The following STAT5A variants were observed in gnomAD, a reference collection of about 807,000 sequenced individuals.
STAT5A encodes epididymis secretory sperm binding protein.
A neutral mutation model predicts 100.2 loss-of-function variants in STAT5A; 26 were observed. The observed-to-expected ratio is 0.26, with a 90% CI of 0.19 to 0.36. The LOEUF (loss-of-function observed/expected upper bound fraction) is 0.36. Ranked by LOEUF, STAT5A falls within the 10% of genes least tolerant of loss-of-function variation. The pLI is 1.00. For missense variants in STAT5A, 634 were observed against 1,027.5 expected (o/e 0.62, Z 5.24); for synonymous variants, 330 against 424.3 (o/e 0.78, Z 2.73).
At position 42,308,386 on chromosome 17, in the gene STAT5A, C is replaced by A; in HGVS notation, c.2062+53C>A. On this transcript the variant is annotated intron_variant, in intron 16 of 18. Transcript: ENST00000590949. This position sits in a 1 kb window ranked among gnomAD's most constrained non-coding sequence, Gnocchi z 4.6. ...CTGACTCCCCCGGGCTCTTCCCCAGCCCATAGACAAAGCCTTGGGCTGCGC... is the reference window on the plus strand; with the variant it reads ...CTGACTCCCCCGGGCTCTTCCCCAGACCATAGACAAAGCCTTGGGCTGCGC... 1 of 1,612,474 alleles carries A rather than the reference C, an allele frequency of 6.2e-7. No homozygotes were observed. Among genetic ancestry groups the A allele is most frequent in the Non-Finnish European group, 8.5e-7 (1 of 1,179,284 alleles).
chr17:42,300,453 C>T (rs2080965927), intron 7 of STAT5A, among the ~76,000 whole-genome samples, 172 bp downstream of exon 7: 1 of 152,120 alleles, frequency 6.6e-6, no homozygotes, highest in Non-Finnish European at 1.5e-5. Flanking sequence ...CTGTGCACCT[C>T]CCCCAGGAAG....
intron 4 of STAT5A, among the ~76,000 whole-genome samples, chr17:42,292,957 A>G (rs897927029): frequency 6.6e-6 from 1 of 152,032 alleles, no homozygotes; most frequent in African/African-American, 2.4e-5. Flanking sequence ...TGGAGATAGC[A>G]ATCATACCTA....
In STAT5A at chr17:42,301,351, G is replaced by T; in HGVS notation, c.1066G>T (p.Val356Leu). Residue 356 changes from valine (V) to leucine (L), a missense_variant, in exon 9 of 19, where the codon GTG becomes TTG. Physicochemically the swap from Val to Leu is conservative, Grantham distance 32. Transcript: ENST00000590949. ...TKFAATVRLL[V>L]GGKLNVHMNP... ...GTTTGCAGCCACCGTACGCCTGCTG[G>T]TGGGCGGGAAGCTGAACGTGCACAT... The T allele has an allele frequency of 6.2e-7, 1 of 1,614,182 alleles. No individual in the cohort carries two copies. Among genetic ancestry groups the T allele is most frequent in the Middle Eastern group, 1.6e-4 (1 of 6,062 alleles).
intron 18 of STAT5A, 126 bp downstream of exon 18, chr17:42,309,610 A>C: frequency 1.1e-6 from 1 of 923,840 alleles, no homozygotes; most frequent in Non-Finnish European, 1.6e-6. Context: ...GAGGAGTGAG[A>C]TCAGCCAGGA....
At chr17:42,292,720 A>T (rs142526035) in intron 4 of STAT5A, among the ~76,000 whole-genome samples, 1,816 of 150,178 alleles carry the variant, frequency 0.012, 47 homozygotes, top group African/African-American at 0.042. Context: ...TCTGCCTCCC[A>T]GGTTCAAGCA....
chr17:42,302,866 A>T (rs1301635231), intron 9 of STAT5A, among the ~76,000 whole-genome samples: 2 of 152,156 alleles, frequency 1.3e-5, no homozygotes, highest in Non-Finnish European at 2.9e-5. Context: ...TGAGGCAAGA[A>T]AATCACTTGA....
intron 3 of STAT5A, 88 bp downstream of exon 3, chr17:42,290,110 C>T: frequency 6.9e-7 from 1 of 1,446,414 alleles, no homozygotes; most frequent in Non-Finnish European, 9.1e-7. Context: ...GGCCTGGCCA[C>T]TGACTCACCA....
rs552133599 is a variant in STAT5A, at chr17:42,289,947, G to A, written c.210G>A (p.Lys70=). The stretch of plus-strand genomic sequence containing the variant: ...AGGGCCTGGTGCAGGAGCTGCAGAA[G>A]AAGGCGGAGCACCAGGTGGGGGAAG... The part of the protein sequence containing the change: ...LLEGLVQELQ[K]KAEHQVGEDG... The change falls in exon 3 of 19, where the codon AAG becomes AAA. Residue 70 remains lysine (K), a synonymous_variant. Transcript: ENST00000590949. 10 of 1,608,930 alleles carry A rather than the reference G, an allele frequency of 6.2e-6. No homozygotes were observed. In the South Asian group the frequency reaches 1.1e-4, roughly 18 times the overall value.
At position 42,288,507 on chromosome 17, in the gene STAT5A, C is replaced by A; in HGVS notation, c.-102C>A. 6.5e-6 allele frequency: 1 copy of A among 153,644 alleles called. No homozygotes were observed. The highest frequency in any genetic ancestry group is 1.8e-4 in the South Asian group (1 of 5,438). The allele number at this position is 153,644 out of a possible 1,614,324, so 9.5% of individuals were successfully genotyped here. On this transcript the variant is annotated 5_prime_UTR_variant, in exon 1 of 19. Coordinates refer to ENST00000590949, the MANE Select transcript of STAT5A (RefSeq NM_001288718.2). The surrounding 1 kb of genome is among the most constrained non-coding windows in gnomAD (Gnocchi z 4.8). ...CTCCGCTCCTTCCTGTAGTAACAGC[C>A]GCCGCTGCCGCCGCCGCCAGGAACC... is the stretch of plus-strand genomic sequence containing the variant.
At chr17:42,289,765 C>G in intron 2 of STAT5A, 101 bp from the exon 3 acceptor site, 1 of 1,429,220 alleles carries the variant, frequency 7.0e-7, no homozygotes, top group South Asian at 1.5e-5. Context: ...CCCTGGAGTG[C>G]CCTCGGTCAT....
At chr17:42,306,180 T>C in intron 12 of STAT5A, 61 bp from the exon 13 acceptor site, 1 of 1,612,710 alleles carries the variant, frequency 6.2e-7, no homozygotes, top group South Asian at 1.1e-5. Context: ...GTATCTTGTG[T>C]GTGTGTGAAT....
intron 5 of STAT5A, among the ~76,000 whole-genome samples, chr17:42,297,264 TTTCCCCTCA>T (rs2080927902): frequency 1.3e-5 from 2 of 152,176 alleles, no homozygotes; most frequent in African/African-American, 4.8e-5. Flanking sequence ...TCTAAGAGAA[TTTCCCCTCA>T]TCTGAATCTA....
In STAT5A at chr17:42,308,053, C is replaced by A; in HGVS notation, c.1907-125C>A. 1 of 1,322,022 alleles carries A rather than the reference C, an allele frequency of 7.6e-7. No individual in the cohort carries two copies. Among genetic ancestry groups the A allele is most frequent in the Non-Finnish European group, 1.0e-6 (1 of 967,592 alleles). 81.9% of individuals were successfully genotyped at this position (1,322,022 alleles called of 1,614,324 possible). ...CCGCATCGGCTTTCTTCCCTACAGGCTGGGGCTGCAGCGCAAGCTACTATA... is the reference window on the plus strand; with the variant it reads ...CCGCATCGGCTTTCTTCCCTACAGGATGGGGCTGCAGCGCAAGCTACTATA... On this transcript the variant is annotated intron_variant, in intron 15 of 18. Coordinates refer to ENST00000590949, the MANE Select transcript of STAT5A (RefSeq NM_001288718.2). The surrounding 1 kb of genome is among the most constrained non-coding windows in gnomAD (Gnocchi z 4.6).
At chr17:42,287,960 T>C (rs892339329), upstream of STAT5A, 10 of 152,258 alleles carry the variant, frequency 6.6e-5, no homozygotes, top group African/African-American at 2.4e-4. Flanking sequence ...CTCTACAGTT[T>C]TGTCTCTGAG....
At chr17:42,301,564 C>T in intron 9 of STAT5A, 110 bp downstream of exon 9, 1 of 1,488,236 alleles carries the variant, frequency 6.7e-7, no homozygotes, top group Non-Finnish European at 9.1e-7. Flanking sequence ...CCGTGTTGCC[C>T]AGGCTGGTCT....
At chr17:42,306,033 C>A in intron 12 of STAT5A, 2 of 811,760 alleles carry the variant, frequency 2.5e-6, no homozygotes, top group Non-Finnish European at 3.9e-6. Flanking sequence ...ATGCCCCCAC[C>A]CCCTGCATCG....
intron 9 of STAT5A, among the ~76,000 whole-genome samples, chr17:42,302,634 A>G (rs1411887770): frequency 1.3e-5 from 2 of 152,206 alleles, no homozygotes; most frequent in Non-Finnish European, 2.9e-5. Flanking sequence ...TTGTCATCCA[A>G]TTAAAAATGT....
At chr17:42,296,625 T>G (rs957644949) in intron 5 of STAT5A, among the ~76,000 whole-genome samples, 4 of 152,152 alleles carry the variant, frequency 2.6e-5, no homozygotes, top group Non-Finnish European at 5.9e-5. Context: ...ACCTTTCTTC[T>G]TTTCTTTTCT....
intron 13 of STAT5A, among the ~76,000 whole-genome samples, chr17:42,307,005 C>T (rs940431892): frequency 6.6e-6 from 1 of 152,104 alleles, no homozygotes; most frequent in Non-Finnish European, 1.5e-5. Context: ...CAGGCGTGAG[C>T]CACCACGCCT....
Sources: gnomAD v4.1 joint callset for allele counts (sites outside exome capture counted in the v4.1 genomes callset) on GRCh38, gnomAD v4.1.1 for gene constraint, Gnocchi (gnomAD v3.1) non-coding constraint, MANE v1.5 for transcripts, NCBI Gene and HGNC (gene_info 2026-07-23, HGNC 2026-07-21) for gene names.